Variants in CADM1 observed in about 807,000 individuals in gnomAD.
CADM1 encodes the protein TSLC-1.
A neutral mutation model predicts 53.1 loss-of-function variants in CADM1; 15 were observed. The observed-to-expected ratio is 0.28, with a 90% CI of 0.19 to 0.44. The LOEUF is 0.44. CADM1 is among the 20% of genes least tolerant of loss of function. CADM1 has a pLI of 1.00. For missense variants in CADM1, 434 were observed against 611.3 expected (o/e 0.71, Z 3.06); for synonymous variants, 281 against 243.0 (o/e 1.16, Z -1.45).
In CADM1 at chr11:115,175,532, C is replaced by A. The variant is rs1370597152; in HGVS notation, c.*942G>T. The A allele has an allele frequency of 9.1e-6, 9 of 985,514 alleles. No homozygotes were observed. Among genetic ancestry groups the A allele is most frequent in the Non-Finnish European group, 1.1e-5 (9 of 829,974 alleles). The allele number at this position is 985,514 out of a possible 1,614,324, so 61.0% of individuals were successfully genotyped here. A position where few individuals can be genotyped will look rare whatever the true frequency, so the allele number is the denominator to read the frequency against. On this transcript the variant is annotated 3_prime_UTR_variant, in exon 12 of 12. Transcript: ENST00000331581. ...CAGAGCAGAACTGTATTTCCCCCCT[C>A]CCTACTTCCCCTCCTGTGGCAACTC...
At chr11:115,311,897 T>C (rs1248316557) in intron 1 of CADM1, among the ~76,000 whole-genome samples, 1 of 152,194 alleles carries the variant, frequency 6.6e-6, no homozygotes, top group African/African-American at 2.4e-5. Context: ...ACCAACTTAT[T>C]TGTCCAAACT....
At chr11:115,363,088 T>A (rs1047007556) in intron 1 of CADM1, among the ~76,000 whole-genome samples, 1 of 152,206 alleles carries the variant, frequency 6.6e-6, no homozygotes, top group Non-Finnish European at 1.5e-5. Context: ...AATCTTCCAT[T>A]AAGAATCAAT....
intron 1 of CADM1, among the ~76,000 whole-genome samples, chr11:115,367,147 G>A (rs1034415244): frequency 6.0e-4 from 91 of 152,338 alleles, no homozygotes; most frequent in African/African-American, 2.1e-3. Context: ...CCCGGAGTTC[G>A]AGGCTGCAGT....
At chr11:115,201,723 A>T (rs1412928243) in intron 8 of CADM1, among the ~76,000 whole-genome samples, 1 of 152,116 alleles carries the variant, frequency 6.6e-6, no homozygotes, top group Non-Finnish European at 1.5e-5. Flanking sequence ...AAAAAAAAAA[A>T]TCTTTGAGCT....
chr11:115,258,725 A>G (rs2135008120), intron 1 of CADM1, among the ~76,000 whole-genome samples: 1 of 152,366 alleles, frequency 6.6e-6, no homozygotes, highest in Non-Finnish European at 1.5e-5. Flanking sequence ...AGCAAGTACT[A>G]AAGAAATCTA....
intron 1 of CADM1, among the ~76,000 whole-genome samples, chr11:115,335,910 CT>C (rs2135230454): frequency 6.6e-6 from 1 of 152,252 alleles, no homozygotes; most frequent in Admixed American, 6.5e-5. Context: ...AATTTTATCA[CT>C]GACAACAATG....
Position 115,271,533 on chromosome 11 carries a change from C to T in CADM1, c.125-31113G>A, listed in dbSNP as rs376180876. On this transcript the variant is annotated intron_variant, in intron 1 of 11. Coordinates refer to ENST00000331581, the MANE Select transcript of CADM1 (RefSeq NM_001301043.2). ...TCCCGACCTTGTGATCCACCCGCCTCGGCCTCCCAAAGTGCTGGGATTACA... is the reference window on the plus strand; with the variant it reads ...TCCCGACCTTGTGATCCACCCGCCTTGGCCTCCCAAAGTGCTGGGATTACA... Among the ~76,000 whole-genome samples the T allele has an allele frequency of 8.5e-5, 13 of 152,328 alleles. No individual in the cohort carries two copies. In the East Asian group the frequency reaches 1.2e-3, roughly 14 times the overall value.
intron 2 of CADM1, among the ~76,000 whole-genome samples, chr11:115,240,055 C>A (rs1163592992): frequency 6.6e-6 from 1 of 152,140 alleles, no homozygotes; most frequent in Non-Finnish European, 1.5e-5. Flanking sequence ...CAATCAATTT[C>A]TATTGCAAAG....
At chr11:115,306,407 C>T (rs1055382726) in intron 1 of CADM1, among the ~76,000 whole-genome samples, 5 of 151,940 alleles carry the variant, frequency 3.3e-5, no homozygotes, top group Admixed American at 6.6e-5. Context: ...CCTAACAACA[C>T]ATTTCTTAGA....
chr11:115,265,137 G>T (rs1943098244), intron 1 of CADM1, among the ~76,000 whole-genome samples: 1 of 152,124 alleles, frequency 6.6e-6, no homozygotes, highest in Non-Finnish European at 1.5e-5. Context: ...TCCCCTTCTT[G>T]AATATACACA....
chr11:115,173,840 A>C lies in CADM1; in HGVS notation c.*2634T>G. 1 of 981,242 alleles carries C rather than the reference A, an allele frequency of 1.0e-6. No homozygotes were observed. Among genetic ancestry groups the C allele is most frequent in the South Asian group, 4.7e-5 (1 of 21,176 alleles). 60.8% of individuals were successfully genotyped at this position (981,242 alleles called of 1,614,324 possible). ...GAAAAATAAGACGTCGGTGTGACTA[A>C]AGAACAAGCTTATTTGGCATCAATT... On this transcript the variant is annotated 3_prime_UTR_variant, in exon 12 of 12. Coordinates refer to ENST00000331581, the MANE Select transcript of CADM1 (RefSeq NM_001301043.2).
chr11:115,231,411 A>G lies in CADM1; in HGVS notation c.504T>C (p.Ala168=). Residue 168 remains alanine (A), a synonymous_variant, in exon 4 of 12, where the codon GCT becomes GCC. Transcript: ENST00000331581. Reference sequence around the variant, plus strand: ...TAGTCGTGGCTGGCTTGCTGGCCATAGCAGTGCAGTTGACTTCAATCTCCT... The same window carrying G: ...TAGTCGTGGCTGGCTTGCTGGCCATGGCAGTGCAGTTGACTTCAATCTCCT... ...EGEEIEVNCT[A]MASKPATTIR... 6.2e-7 allele frequency: 1 copy of G among 1,614,012 alleles called. No homozygotes were observed. Among genetic ancestry groups the G allele is most frequent in the Non-Finnish European group, 8.5e-7 (1 of 1,179,872 alleles).
chr11:115,382,788 G>C (rs1946610289), intron 1 of CADM1, among the ~76,000 whole-genome samples: 1 of 152,182 alleles, frequency 6.6e-6, no homozygotes, highest in African/African-American at 2.4e-5. Context: ...AAAACTGTAA[G>C]ATCCAGGAAC....
chr11:115,390,670 TAAAA>T (rs750873925), intron 1 of CADM1, among the ~76,000 whole-genome samples: 1 of 111,116 alleles, frequency 9.0e-6, no homozygotes, highest in Non-Finnish European at 1.9e-5. Context: ...AGGCTACTCT[TAAAA>T]AAAAAAAAAA....
intron 1 of CADM1, among the ~76,000 whole-genome samples, chr11:115,324,625 T>C (rs1944913026): frequency 6.6e-6 from 1 of 152,146 alleles, no homozygotes; most frequent in African/African-American, 2.4e-5. Flanking sequence ...CTTAGCCTCA[T>C]TCCATAGCCA....
chr11:115,332,934 A>G (rs1329806899), intron 1 of CADM1, among the ~76,000 whole-genome samples: 2 of 152,048 alleles, frequency 1.3e-5, no homozygotes, highest in African/African-American at 4.8e-5. Context: ...ACTCCAGCCA[A>G]ACACTAGCTG....
At chr11:115,176,670 T>C in intron 11 of CADM1, 78 bp from the exon 12 acceptor site, 2 of 1,187,996 alleles carry the variant, frequency 1.7e-6, no homozygotes, top group Non-Finnish European at 1.3e-6. Flanking sequence ...CAACTTGCTT[T>C]ATGGCCATCA....
intron 10 of CADM1, among the ~76,000 whole-genome samples, chr11:115,187,403 GCTC>G (rs2134626682): frequency 1.3e-5 from 2 of 152,226 alleles, no homozygotes; most frequent in South Asian, 4.1e-4. Flanking sequence ...AGCTTTAAGT[GCTC>G]CTATTAGCTA....
At chr11:115,384,995 A>G (rs1251359419) in intron 1 of CADM1, among the ~76,000 whole-genome samples, 2 of 152,070 alleles carry the variant, frequency 1.3e-5, no homozygotes, top group African/African-American at 4.8e-5. Flanking sequence ...AACATTCCTA[A>G]TCTAAATAGA....
Sources: allele counts gnomAD v4.1 joint callset (sites outside exome capture counted in the v4.1 genomes callset), GRCh38; gene constraint gnomAD v4.1.1; transcripts MANE v1.5; gene names NCBI Gene and HGNC (gene_info 2026-07-23, HGNC 2026-07-21).